The following ITGA11 variants were observed in gnomAD, a reference collection of about 807,000 sequenced individuals.
The protein encoded by ITGA11 is integrin alpha-11.
ITGA11 carries 97 observed loss-of-function variants against 141.9 expected under a neutral mutation model. That is an observed-to-expected ratio of 0.68 (90% confidence interval 0.58 to 0.81). The LOEUF is 0.81. Among genes scored for constraint, ITGA11 ranks in the 30% least tolerant of loss-of-function variants. ITGA11 has a pLI of 0.00. For synonymous variants in ITGA11, 658 were observed against 624.6 expected (o/e 1.05, Z -0.80); for missense variants, 1,387 against 1,559.2 (o/e 0.89, Z 1.86).
intron 10 of ITGA11, among the ~76,000 whole-genome samples, chr15:68,343,341 G>A (rs148480913): frequency 2.1e-4 from 32 of 152,266 alleles, no homozygotes; most frequent in Admixed American, 7.2e-4. Context: ...GGTTAGGAAA[G>A]GCTTTTAAGA....
intron 1 of ITGA11, among the ~76,000 whole-genome samples, chr15:68,413,456 G>A (rs1268228672): frequency 6.6e-6 from 1 of 152,192 alleles, no homozygotes; most frequent in Non-Finnish European, 1.5e-5. Flanking sequence ...ACGACTTACG[G>A]TGTTCAGAGC....
intron 20 of ITGA11, among the ~76,000 whole-genome samples, chr15:68,319,227 G>A (rs1305385430): frequency 6.6e-6 from 1 of 152,232 alleles, no homozygotes; most frequent in African/African-American, 2.4e-5. Context: ...GTGGTCCTGG[G>A]CAGGCCTTAA....
rs376898891 is a variant in ITGA11 at position 68,324,899 on chromosome 15, C to T, written c.2322+232G>A. 2.6e-5 allele frequency among the ~76,000 whole-genome samples: 4 copies of T among 152,178 alleles called. No homozygotes were observed. Among genetic ancestry groups the T allele is most frequent in the South Asian group, 2.1e-4 (1 of 4,832 alleles). ...TGCTGGGGATACGGGGAAACTTGAACAGGAGAAGGCCTGGGCCTTGCCCTT... is the reference window on the plus strand; with the variant it reads ...TGCTGGGGATACGGGGAAACTTGAATAGGAGAAGGCCTGGGCCTTGCCCTT... On this transcript the variant is annotated intron_variant, in intron 18 of 29. Transcript: ENST00000315757. This position sits in a 1 kb window ranked among gnomAD's most constrained non-coding sequence, Gnocchi z 6.3.
intron 2 of ITGA11, among the ~76,000 whole-genome samples, chr15:68,400,687 T>A (rs1448349766): frequency 1.2e-4 from 4 of 34,178 alleles, no homozygotes; most frequent in African/African-American, 3.7e-4. Context: ...TAATAAATAT[T>A]ATATTATATA....
At chr15:68,337,310 A>G (rs530107116) in intron 11 of ITGA11, among the ~76,000 whole-genome samples, 1 of 152,278 alleles carries the variant, frequency 6.6e-6, no homozygotes, top group Non-Finnish European at 1.5e-5. Flanking sequence ...GGCCATTCTG[A>G]GGCTGGGCCA....
chr15:68,329,723 C>T (rs901535233), intron 15 of ITGA11, among the ~76,000 whole-genome samples: 13 of 152,222 alleles, frequency 8.5e-5, no homozygotes, highest in African/African-American at 2.7e-4. Flanking sequence ...CACCTTTACA[C>T]ACCTTGCAAG....
At chr15:68,395,359 G>A (rs1169632379) in intron 2 of ITGA11, among the ~76,000 whole-genome samples, 1 of 152,006 alleles carries the variant, frequency 6.6e-6, no homozygotes, top group East Asian at 1.9e-4. Flanking sequence ...GCTTCAGAAG[G>A]TTGGCAATAA....
In ITGA11 at chr15:68,315,790, C is replaced by G. The variant is rs1320479742; in HGVS notation, c.2716-63G>C. On this transcript the variant is annotated intron_variant, in intron 21 of 29. Coordinates refer to ENST00000315757, the MANE Select transcript of ITGA11 (RefSeq NM_001004439.2). ...ACCAGCCCCGCCCACTCCCCACAGCCCACTCCCCACAGCCCCCTGCTGGCT... is the reference window on the plus strand; with the variant it reads ...ACCAGCCCCGCCCACTCCCCACAGCGCACTCCCCACAGCCCCCTGCTGGCT... 4 of 1,327,562 alleles carry G rather than the reference C, an allele frequency of 3.0e-6. No homozygotes were observed. The African/African-American group carries it at 5.8e-5, about 19-fold the overall frequency. 82.2% of individuals were successfully genotyped at this position (1,327,562 alleles called of 1,614,324 possible).
rs1168330029 is a variant in ITGA11, at chr15:68,305,159, C to T, written c.3382-1274G>A. ...TTTACTCCAGCTTTCAGCCACCTGG[C>T]CTCCAGCATGCATGCCATGGCGTGC... On this transcript the variant is annotated intron_variant, in intron 28 of 29. Coordinates refer to ENST00000315757, the MANE Select transcript of ITGA11 (RefSeq NM_001004439.2). This position sits in a 1 kb window ranked among gnomAD's most constrained non-coding sequence, Gnocchi z 4.6. Among the ~76,000 whole-genome samples, 1 of 152,266 alleles carries T rather than the reference C, an allele frequency of 6.6e-6. No homozygotes were observed. Among genetic ancestry groups the T allele is most frequent in the Non-Finnish European group, 1.5e-5 (1 of 68,046 alleles).
At chr15:68,406,891 C>T (rs952106615) in intron 1 of ITGA11, among the ~76,000 whole-genome samples, 1 of 152,194 alleles carries the variant, frequency 6.6e-6, no homozygotes, top group Admixed American at 6.5e-5. Flanking sequence ...TTAAATCTCA[C>T]ACCAACCCCA....
At chr15:68,419,991 C>T (rs946012821) in intron 1 of ITGA11, among the ~76,000 whole-genome samples, 17 of 152,286 alleles carry the variant, frequency 1.1e-4, no homozygotes, top group African/African-American at 4.1e-4. Flanking sequence ...TAGGCTCAGA[C>T]TCAGTCTCTC....
chr15:68,381,403 G>A (rs1218356387), intron 2 of ITGA11, among the ~76,000 whole-genome samples: 5 of 152,190 alleles, frequency 3.3e-5, no homozygotes, highest in African/African-American at 1.2e-4. Context: ...TGGGACATGT[G>A]TGCCTCTCCA....
chr15:68,306,851 G>A (rs1340887226), intron 28 of ITGA11, among the ~76,000 whole-genome samples: 1 of 152,234 alleles, frequency 6.6e-6, no homozygotes, highest in Non-Finnish European at 1.5e-5. Flanking sequence ...GGGCAGCAGC[G>A]TCCCACGCCC....
chr15:68,385,380 G>A (rs1895961143), intron 2 of ITGA11, among the ~76,000 whole-genome samples: 1 of 152,238 alleles, frequency 6.6e-6, no homozygotes, highest in African/African-American at 2.4e-5. Flanking sequence ...GGTTGGGAGA[G>A]GAGGAAGTGG....
chr15:68,356,795 G>T (rs1473455143), intron 7 of ITGA11, among the ~76,000 whole-genome samples: 10 of 152,070 alleles, frequency 6.6e-5, no homozygotes, highest in African/African-American at 2.2e-4. Context: ...CTCACTCTTG[G>T]GACGCTGTCT....
chr15:68,387,486 G>T (rs1362323312), intron 2 of ITGA11, among the ~76,000 whole-genome samples: 1 of 152,162 alleles, frequency 6.6e-6, no homozygotes, highest in Non-Finnish European at 1.5e-5. Context: ...TCTGGAGGTG[G>T]GTTCCAGCAA....
Position 68,310,999 on chromosome 15 carries a change from G to A in ITGA11, c.3169C>T (p.Gln1057Ter). ...PVEEDLRRAPQLNHSNSDVVS... is the reference protein window; with the variant it reads ...PVEEDLRRAP ...TCGGTCTGGGGGACACTCACCAGCT[G>A]TGGAGCACGACGCAAGTCTTCCTCC... Residue 1057 changes from glutamine (Q) to a stop codon, truncating the protein, a stop_gained, in exon 26 of 30, where the codon CAG (glutamine) becomes TAG (stop). Coordinates refer to ENST00000315757, the MANE Select transcript of ITGA11 (RefSeq NM_001004439.2). LOFTEE classifies it high-confidence loss of function. The A allele has an allele frequency of 6.2e-7, 1 of 1,600,390 alleles. No homozygotes were observed. The highest frequency in any genetic ancestry group is 8.5e-7 in the Non-Finnish European group (1 of 1,173,202).
intron 7 of ITGA11, among the ~76,000 whole-genome samples, chr15:68,354,449 C>T (rs1000082629): frequency 6.6e-6 from 1 of 152,130 alleles, no homozygotes; most frequent in Non-Finnish European, 1.5e-5. Context: ...GCAGTGGCCA[C>T]CCATGCTGGT....
intron 1 of ITGA11, among the ~76,000 whole-genome samples, chr15:68,404,824 A>C (rs1013279464): frequency 6.6e-6 from 1 of 152,194 alleles, no homozygotes; most frequent in Non-Finnish European, 1.5e-5. Flanking sequence ...GATAAGTAAA[A>C]ATGAATTGGC....
Sources: allele counts gnomAD v4.1 joint callset (sites outside exome capture counted in the v4.1 genomes callset), GRCh38; gene constraint gnomAD v4.1.1; non-coding constraint Gnocchi (gnomAD v3.1); transcripts MANE v1.5; gene names NCBI Gene and HGNC (gene_info 2026-07-23, HGNC 2026-07-21).